Variants in POLR1D observed in about 807,000 individuals in gnomAD.
The protein encoded by POLR1D is DNA-directed RNA polymerases I and III subunit RPAC2.
A neutral mutation model predicts 10.8 loss-of-function variants in POLR1D; 8 were observed. The observed-to-expected ratio is 0.74, with a 90% CI of 0.43 to 1.33. POLR1D has a LOEUF of 1.33. Among genes scored for constraint, POLR1D ranks in the 40% most tolerant of loss-of-function variants. POLR1D has a pLI of 0.01. For synonymous variants in POLR1D, 54 were observed against 57.2 expected (o/e 0.94, Z 0.25); for missense variants, 152 against 161.7 (o/e 0.94, Z 0.32).
At chr13:27,633,837 C>T (rs1468462392) in intron 1 of POLR1D, among the ~76,000 whole-genome samples, 6 of 152,144 alleles carry the variant, frequency 3.9e-5, no homozygotes, top group Admixed American at 6.5e-5. Context: ...ACATAAGTCC[C>T]GGAGCTTGGA....
At chr13:27,628,846 C>G (rs146877901) in intron 1 of POLR1D, among the ~76,000 whole-genome samples, 1 of 152,150 alleles carries the variant, frequency 6.6e-6, no homozygotes, top group Non-Finnish European at 1.5e-5. Flanking sequence ...TTGAGACAGT[C>G]GCACTGTTAC....
chr13:27,659,811 C>T (rs924698215), intron 2 of POLR1D, among the ~76,000 whole-genome samples: 2 of 151,924 alleles, frequency 1.3e-5, no homozygotes. Flanking sequence ...CCTTCTGTTC[C>T]TCTTGGTAGT....
chr13:27,634,219 G>A (rs556315342), intron 1 of POLR1D, among the ~76,000 whole-genome samples: 235 of 152,292 alleles, frequency 1.5e-3, no homozygotes, highest in African/African-American at 5.4e-3. Flanking sequence ...TAAATGGTTG[G>A]AAAACATAAA....
At chr13:27,624,197 C>A (rs971313305), downstream of POLR1D, among the ~76,000 whole-genome samples, 2 of 152,194 alleles carry the variant, frequency 1.3e-5, no homozygotes, top group African/African-American at 2.4e-5. Flanking sequence ...ATGTGTCAGG[C>A]CTCTCAGCCT....
chr13:27,629,274 C>T (rs773945112), intron 1 of POLR1D, among the ~76,000 whole-genome samples: 3 of 152,154 alleles, frequency 2.0e-5, no homozygotes, highest in Non-Finnish European at 2.9e-5. Context: ...TGGCTCTAGA[C>T]GTTAGCCATG....
chr13:27,632,256 T>G (rs775742032), intron 1 of POLR1D, among the ~76,000 whole-genome samples: 1 of 152,208 alleles, frequency 6.6e-6, no homozygotes, highest in Non-Finnish European at 1.5e-5. Context: ...CTTGGGATCT[T>G]ATCCCCACAG....
intron 1 of POLR1D, among the ~76,000 whole-genome samples, chr13:27,630,158 G>A (rs952180012): frequency 1.3e-5 from 2 of 152,022 alleles, no homozygotes; most frequent in Admixed American, 6.5e-5. Context: ...TGATCCGCCC[G>A]CCTCCGGCTC....
intron 1 of POLR1D, among the ~76,000 whole-genome samples, chr13:27,631,238 C>T (rs1040564045): frequency 6.6e-6 from 1 of 152,182 alleles, no homozygotes; most frequent in African/African-American, 2.4e-5. Flanking sequence ...AGGCTGCACT[C>T]TTGAGGATTG....
chr13:27,662,368 C>CA (rs1555274124), intron 2 of POLR1D, among the ~76,000 whole-genome samples: 5 of 151,980 alleles, frequency 3.3e-5, no homozygotes, highest in African/African-American at 1.2e-4. Flanking sequence ...AGACACCCCC[C>CA]CCACCACTAC....
intron 1 of POLR1D, 89 bp downstream of exon 1, chr13:27,622,098 G>C: frequency 9.0e-7 from 1 of 1,116,142 alleles, no homozygotes; most frequent in Admixed American, 2.0e-5. Flanking sequence ...GGCAGCCGGG[G>C]CCTGACTCGG....
chr13:27,640,001 C>T (rs530379936), intron 1 of POLR1D, among the ~76,000 whole-genome samples: 3 of 152,228 alleles, frequency 2.0e-5, no homozygotes, highest in South Asian at 2.1e-4. Flanking sequence ...TATCATTTAT[C>T]GGCTGTTGTG....
chr13:27,661,128 T>C (rs949867708), intron 2 of POLR1D, among the ~76,000 whole-genome samples: 8 of 152,166 alleles, frequency 5.3e-5, no homozygotes, highest in African/African-American at 1.9e-4. Flanking sequence ...AGTGGCAGAT[T>C]CTTGAGCAGT....
At position 27,623,407 on chromosome 13, in the gene POLR1D, A is replaced by G. The variant is rs1216976347; in HGVS notation, c.*157A>G. The G allele has an allele frequency of 6.8e-7, 1 of 1,460,532 alleles. No individual in the cohort carries two copies. 90.5% of individuals were successfully genotyped at this position (1,460,532 alleles called of 1,614,324 possible). On this transcript the variant is annotated 3_prime_UTR_variant, in exon 2 of 2. Transcript: ENST00000302979. The stretch of plus-strand genomic sequence containing the variant: ...CCTTGCAGCTGTTGGAATCTCTGCA[A>G]GAACCTCTGTATTCTTCTAATAAAT...
At chr13:27,661,908 A>G (rs932096629) in intron 2 of POLR1D, among the ~76,000 whole-genome samples, 11 of 152,216 alleles carry the variant, frequency 7.2e-5, no homozygotes, top group African/African-American at 2.7e-4. Context: ...GCTCAAAGGT[A>G]GTATGTAGTA....
chr13:27,660,862 G>A (rs567529324), intron 2 of POLR1D: 7 of 152,156 alleles, frequency 4.6e-5, no homozygotes, highest in South Asian at 2.1e-4. Flanking sequence ...CTTTCCTTTC[G>A]GATGACGGCT....
intron 1 of POLR1D, among the ~76,000 whole-genome samples, chr13:27,634,442 C>T (rs777465687): frequency 2.0e-5 from 3 of 152,170 alleles, no homozygotes; most frequent in Non-Finnish European, 4.4e-5. Flanking sequence ...ACTAGACTTA[C>T]TCCTGGCCAA....
chr13:27,647,703 AT>A (rs1956232951), intron 1 of POLR1D, among the ~76,000 whole-genome samples: 2 of 152,246 alleles, frequency 1.3e-5, no homozygotes, highest in Admixed American at 6.5e-5. Flanking sequence ...ATATGTTATG[AT>A]TTATTTAACC....
intron 1 of POLR1D, among the ~76,000 whole-genome samples, chr13:27,643,747 G>T (rs1956195892): frequency 6.6e-6 from 1 of 152,142 alleles, no homozygotes. Flanking sequence ...CACGTATGTG[G>T]ACGACTCCAC....
intron 2 of POLR1D, among the ~76,000 whole-genome samples, chr13:27,661,369 G>A (rs1352311410): frequency 2.6e-5 from 4 of 152,170 alleles, no homozygotes; most frequent in Admixed American, 2.6e-4. Flanking sequence ...TACCATGTGA[G>A]CTAGCATAAC....
Sources: gnomAD v4.1 joint callset for allele counts (sites outside exome capture counted in the v4.1 genomes callset) on GRCh38, gnomAD v4.1.1 for gene constraint, MANE v1.5 for transcripts, NCBI Gene and HGNC (gene_info 2026-07-23, HGNC 2026-07-21) for gene names.